The following ITGA9 variants were observed in gnomAD, a reference collection of about 807,000 sequenced individuals.
ITGA9 encodes integrin alpha-9.
ITGA9 carries 56 observed loss-of-function variants against 127.8 expected under a neutral mutation model. The observed-to-expected ratio is 0.44, with a 90% CI of 0.35 to 0.55. ITGA9 has a LOEUF of 0.55. Among genes scored for constraint, ITGA9 ranks in the 20% least tolerant of loss-of-function variants. The pLI, the probability that ITGA9 is intolerant of heterozygous loss-of-function variation, is 0.00. For missense variants in ITGA9, 1,196 were observed against 1,347.1 expected (o/e 0.89, Z 1.76); for synonymous variants, 508 against 514.5 (o/e 0.99, Z 0.17).
At chr3:37,517,074 T>A (rs952242254) in intron 9 of ITGA9, among the ~76,000 whole-genome samples, 9 of 152,344 alleles carry the variant, frequency 5.9e-5, no homozygotes, top group African/African-American at 2.2e-4. Flanking sequence ...AACAGTTTTA[T>A]AAACTTGTAC....
At chr3:37,728,244 G>C (rs1217368500) in intron 18 of ITGA9, among the ~76,000 whole-genome samples, 1 of 152,180 alleles carries the variant, frequency 6.6e-6, no homozygotes, top group Non-Finnish European at 1.5e-5. Flanking sequence ...CATCCTGGTG[G>C]ATACCAAGTG....
At chr3:37,525,203 G>C (rs964398609) in intron 12 of ITGA9, among the ~76,000 whole-genome samples, 1 of 152,260 alleles carries the variant, frequency 6.6e-6, no homozygotes, top group East Asian at 1.9e-4. Context: ...CTAAATTAAA[G>C]TTATTTAGGA....
intron 25 of ITGA9, among the ~76,000 whole-genome samples, chr3:37,780,708 G>A (rs1696966706): frequency 6.6e-6 from 1 of 152,256 alleles, no homozygotes; most frequent in Non-Finnish European, 1.5e-5. Flanking sequence ...GTGATTGCTG[G>A]ATGGAATGGC....
intron 15 of ITGA9, among the ~76,000 whole-genome samples, chr3:37,607,939 C>T (rs940328623): frequency 3.3e-5 from 5 of 152,174 alleles, no homozygotes; most frequent in Non-Finnish European, 5.9e-5. Context: ...TCCGTCTTCA[C>T]CATTAATGGC....
At chr3:37,734,029 C>A (rs578190719) in intron 19 of ITGA9, among the ~76,000 whole-genome samples, 1 of 152,334 alleles carries the variant, frequency 6.6e-6, no homozygotes, top group East Asian at 1.9e-4. Flanking sequence ...GTGGGAGGAA[C>A]CCCTGGGTAG....
intron 15 of ITGA9, among the ~76,000 whole-genome samples, chr3:37,588,386 T>C (rs1191120532): frequency 7.0e-6 from 1 of 142,438 alleles, no homozygotes; most frequent in Non-Finnish European, 1.5e-5. Context: ...TGCATGCGTG[T>C]GTGGACACCC....
intron 17 of ITGA9, among the ~76,000 whole-genome samples, chr3:37,681,508 G>A (rs1048699579): frequency 1.3e-5 from 2 of 152,118 alleles, no homozygotes; most frequent in Non-Finnish European, 2.9e-5. Context: ...GGAAAGAGAG[G>A]GTCTGCCCCC....
intron 19 of ITGA9, among the ~76,000 whole-genome samples, chr3:37,735,785 A>G (rs1304241740): frequency 6.6e-6 from 1 of 152,220 alleles, no homozygotes; most frequent in African/African-American, 2.4e-5. Context: ...GGTACACTAG[A>G]TAATTTTAGA....
At chr3:37,628,493 A>T (rs13101174) in intron 15 of ITGA9, among the ~76,000 whole-genome samples, 2,768 of 152,202 alleles carry the variant, frequency 0.018, 84 homozygotes, top group South Asian at 0.14. Flanking sequence ...TTTCTGTATA[A>T]TGGAGGATAA....
chr3:37,498,095 T>C (rs978905220), intron 5 of ITGA9, among the ~76,000 whole-genome samples: 1 of 152,118 alleles, frequency 6.6e-6, no homozygotes, highest in Non-Finnish European at 1.5e-5. Context: ...TTCTGGAGAA[T>C]GGTGGTGCCT....
At chr3:37,456,481 G>A (rs1698259157) in intron 1 of ITGA9, among the ~76,000 whole-genome samples, 1 of 152,160 alleles carries the variant, frequency 6.6e-6, no homozygotes, top group African/African-American at 2.4e-5. Context: ...AATAAATGCT[G>A]CCTGGCTGGC....
At chr3:37,574,309 T>G (rs1010153360) in intron 15 of ITGA9, among the ~76,000 whole-genome samples, 3 of 152,228 alleles carry the variant, frequency 2.0e-5, no homozygotes, top group African/African-American at 7.2e-5. Context: ...CTTCATATCT[T>G]CAGAACGTCC....
At chr3:37,781,428 C>T (rs1559597030) in intron 25 of ITGA9, among the ~76,000 whole-genome samples, 1 of 152,154 alleles carries the variant, frequency 6.6e-6, no homozygotes, top group Non-Finnish European at 1.5e-5. Context: ...GGCAGAGGGC[C>T]AGATTTGACC....
At chr3:37,702,033 G>A (rs1700952035) in intron 18 of ITGA9, among the ~76,000 whole-genome samples, 1 of 152,106 alleles carries the variant, frequency 6.6e-6, no homozygotes, top group Non-Finnish European at 1.5e-5. Context: ...GGCCCAGGGT[G>A]GGTTGGGGAA....
intron 15 of ITGA9, among the ~76,000 whole-genome samples, chr3:37,568,646 C>T (rs180852217): frequency 5.4e-4 from 82 of 152,310 alleles, no homozygotes; most frequent in African/African-American, 1.9e-3. Context: ...TAAGTCATCT[C>T]CCTCAAGTTC....
chr3:37,569,955 A>C (rs551556919), intron 15 of ITGA9, among the ~76,000 whole-genome samples: 1 of 152,258 alleles, frequency 6.6e-6, no homozygotes, highest in Admixed American at 6.5e-5. Flanking sequence ...AGGGATATGC[A>C]ACGTGTACTT....
chr3:37,688,593 G>A (rs1233279048), intron 18 of ITGA9, among the ~76,000 whole-genome samples: 1 of 152,100 alleles, frequency 6.6e-6, no homozygotes, highest in Non-Finnish European at 1.5e-5. Context: ...GCCTGGTCCT[G>A]CCTGCCTGCC....
At chr3:37,694,486 C>CGGCGGAA (rs1700863979) in intron 18 of ITGA9, among the ~76,000 whole-genome samples, 1 of 152,196 alleles carries the variant, frequency 6.6e-6, no homozygotes, top group South Asian at 2.1e-4. Context: ...AATCACAAGG[C>CGGCGGAA]GGCTTCAGTA....
At chr3:37,564,145 C>T (rs79443888) in intron 15 of ITGA9, among the ~76,000 whole-genome samples, 1,773 of 152,282 alleles carry the variant, frequency 0.012, 21 homozygotes, top group Non-Finnish European at 0.017. Flanking sequence ...TGTACTTGAC[C>T]ACGGAACACC....
Sources: gnomAD v4.1 joint callset for allele counts (sites outside exome capture counted in the v4.1 genomes callset) on GRCh38, gnomAD v4.1.1 for gene constraint, MANE v1.5 for transcripts, NCBI Gene and HGNC (gene_info 2026-07-23, HGNC 2026-07-21) for gene names.